SHISA9: variants seen among roughly 807,000 people sequenced by gnomAD.
SHISA9 encodes the protein protein shisa-9.
In SHISA9, 13 loss-of-function variants were observed where a neutral mutation model predicts 38.0. That is an observed-to-expected ratio of 0.34 (90% CI 0.22 to 0.54). The LOEUF is 0.54. Among genes scored for constraint, SHISA9 ranks in the 20% least tolerant of loss-of-function variants. SHISA9 has a pLI of 0.91. For missense variants in SHISA9, 538 were observed against 575.8 expected (o/e 0.93, Z 0.67); for synonymous variants, 275 against 242.0 (o/e 1.14, Z -1.27).
At chr16:12,947,539 C>T (rs1361507231) in intron 2 of SHISA9, among the ~76,000 whole-genome samples, 1 of 152,196 alleles carries the variant, frequency 6.6e-6, no homozygotes, top group Non-Finnish European at 1.5e-5. Context: ...TATCTCAGTC[C>T]TCGATGTTGG....
At chr16:13,528,155 A>T in the SHISA9 span, among the ~76,000 whole-genome samples, 3 of 152,284 alleles carry the variant, frequency 2.0e-5, no homozygotes, top group South Asian at 6.2e-4. Flanking sequence ...CCCGGGAACA[A>T]AGAGAAGAGG....
At chr16:13,231,101 C>T (rs2051327843) in intron 4 of SHISA9, among the ~76,000 whole-genome samples, 1 of 152,210 alleles carries the variant, frequency 6.6e-6, no homozygotes, top group African/African-American at 2.4e-5. Context: ...TCATTTTACC[C>T]AGCTGCTATT....
the SHISA9 span, among the ~76,000 whole-genome samples, chr16:13,394,928 GGTGTGTGTGT>G: frequency 3.7e-4 from 51 of 139,506 alleles, no homozygotes; most frequent in East Asian, 4.2e-3. Context: ...CAGTATCTGG[GGTGTGTGTGT>G]GTGTGTGTGT....
At chr16:13,399,478 C>T in the SHISA9 span, among the ~76,000 whole-genome samples, 1 of 151,560 alleles carries the variant, frequency 6.6e-6, no homozygotes, top group African/African-American at 2.4e-5. Flanking sequence ...CCCCCAAGAT[C>T]TCTCTCAGTT....
chr16:12,937,379 A>C (rs2071548318), intron 2 of SHISA9, among the ~76,000 whole-genome samples: 1 of 152,182 alleles, frequency 6.6e-6, no homozygotes, highest in African/African-American at 2.4e-5. Context: ...CACTGTAATA[A>C]GTTTATTGTC....
chr16:12,902,747 G>C (rs771248696), intron 1 of SHISA9, 120 bp downstream of exon 1: 37 of 1,087,230 alleles, frequency 3.4e-5, no homozygotes, highest in Middle Eastern at 2.6e-4. Context: ...CAGCCTCTCC[G>C]CTGGGGGATG....
At chr16:13,489,287 T>C in the SHISA9 span, among the ~76,000 whole-genome samples, 4 of 152,146 alleles carry the variant, frequency 2.6e-5, no homozygotes, top group African/African-American at 7.2e-5. Flanking sequence ...TGACCTCAGG[T>C]GATCCACCCA....
At chr16:13,142,804 G>A (rs117094102) in intron 2 of SHISA9, among the ~76,000 whole-genome samples, 1 of 152,018 alleles carries the variant, frequency 6.6e-6, no homozygotes. Context: ...AAGCACATTA[G>A]CACACTGGCT....
intron 2 of SHISA9, among the ~76,000 whole-genome samples, chr16:13,199,567 C>A (rs1199462338): frequency 6.6e-6 from 1 of 152,204 alleles, no homozygotes; most frequent in Non-Finnish European, 1.5e-5. Context: ...TTCTCTCTCT[C>A]CTCAGCTGCT....
the SHISA9 span, among the ~76,000 whole-genome samples, chr16:13,412,692 A>G: frequency 6.6e-6 from 1 of 151,626 alleles, no homozygotes; most frequent in Non-Finnish European, 1.5e-5. Flanking sequence ...CCCCATCTCT[A>G]CTATAATACA....
chr16:13,242,640 C>T (rs204036), downstream of SHISA9, among the ~76,000 whole-genome samples: 34,033 of 152,108 alleles, frequency 0.22, 4,342 homozygotes, highest in East Asian at 0.33. Flanking sequence ...GCCAATTTGC[C>T]ACGTGCCTTG....
the SHISA9 span, among the ~76,000 whole-genome samples, chr16:13,437,369 T>C: frequency 6.6e-6 from 1 of 152,206 alleles, no homozygotes; most frequent in Non-Finnish European, 1.5e-5. Context: ...TCAGCACTTA[T>C]CTATTCCAGC....
the SHISA9 span, among the ~76,000 whole-genome samples, chr16:13,453,845 G>A: frequency 6.6e-6 from 1 of 152,274 alleles, no homozygotes; most frequent in Admixed American, 6.5e-5. Flanking sequence ...TCCCAATCAA[G>A]AGTAAGAGAT....
At chr16:12,937,984 G>C (rs2071556336) in intron 2 of SHISA9, among the ~76,000 whole-genome samples, 2 of 152,198 alleles carry the variant, frequency 1.3e-5, no homozygotes, top group Non-Finnish European at 2.9e-5. Flanking sequence ...AATCCAGAGA[G>C]GTAAATGGAA....
intron 2 of SHISA9, among the ~76,000 whole-genome samples, chr16:13,142,470 C>G (rs906792423): frequency 6.6e-6 from 1 of 152,122 alleles, no homozygotes; most frequent in African/African-American, 2.4e-5. Context: ...TTGTACGCTT[C>G]TGTGGCCAGC....
chr16:13,383,959 C>G, the SHISA9 span, among the ~76,000 whole-genome samples: 1 of 152,060 alleles, frequency 6.6e-6, no homozygotes, highest in Non-Finnish European at 1.5e-5. Context: ...CCGGCCAACA[C>G]CAACCTAATA....
At chr16:13,342,610 G>T in the SHISA9 span, among the ~76,000 whole-genome samples, 3 of 152,108 alleles carry the variant, frequency 2.0e-5, no homozygotes, top group African/African-American at 7.2e-5. Flanking sequence ...GTGGCTACAA[G>T]ATCCTTTGAT....
chr16:13,045,664 C>T (rs2073179362), intron 2 of SHISA9, among the ~76,000 whole-genome samples: 1 of 151,360 alleles, frequency 6.6e-6, no homozygotes, highest in Non-Finnish European at 1.5e-5. Context: ...AGATATAAAC[C>T]AGATAATTTC....
At chr16:13,012,141 T>G (rs72782701) in intron 2 of SHISA9, among the ~76,000 whole-genome samples, 78 of 152,130 alleles carry the variant, frequency 5.1e-4, no homozygotes, top group Non-Finnish European at 9.4e-4. Context: ...TTTTTTCTTA[T>G]TTTTTAAGGT....
Sources: allele counts gnomAD v4.1 joint callset (sites outside exome capture counted in the v4.1 genomes callset), GRCh38; gene constraint gnomAD v4.1.1; transcripts MANE v1.5; gene names NCBI Gene and HGNC (gene_info 2026-07-23, HGNC 2026-07-21).